Variants in RPGRIP1L observed in about 807,000 individuals in gnomAD.
RPGRIP1L encodes the protein protein fantom.
A neutral mutation model predicts 160.4 loss-of-function variants in RPGRIP1L; 131 were observed. The ratio of observed to expected loss-of-function variants is 0.82; its 90% CI spans 0.71 to 0.94. The LOEUF (loss-of-function observed/expected upper bound fraction) is 0.94, where lower values mean the gene tolerates loss of function less well. RPGRIP1L is among the 40% of genes least tolerant of loss of function. RPGRIP1L has a pLI of 0.00. For missense variants in RPGRIP1L, 1,522 were observed against 1,535.8 expected, an observed-to-expected ratio of 0.99 and a Z score of 0.15; for synonymous variants, 510 against 515.8, an observed-to-expected ratio of 0.99 and a Z score of 0.15.
At chr16:53,628,299 C>G (rs1295168613) in intron 22 of RPGRIP1L, 2 of 152,126 alleles carry the variant, frequency 1.3e-5, no homozygotes, top group African/African-American at 4.8e-5. Context: ...AGCTCTAAGA[C>G]AAGCTCAAAA....
chr16:53,665,524 TAAG>T (rs1302626856), intron 9 of RPGRIP1L, among the ~76,000 whole-genome samples: 4 of 152,106 alleles, frequency 2.6e-5, no homozygotes, highest in African/African-American at 9.7e-5. Context: ...CGATATTGAT[TAAG>T]AAGTAGTGAT....
intron 17 of RPGRIP1L, among the ~76,000 whole-genome samples, chr16:53,643,306 TAAA>T (rs77427391): frequency 2.7e-5 from 3 of 111,390 alleles, no homozygotes; most frequent in African/African-American, 3.2e-5. Flanking sequence ...AGACTCCATC[TAAA>T]AAAAAAAAAA....
At chr16:53,637,211 T>A (rs779632331) in intron 21 of RPGRIP1L, among the ~76,000 whole-genome samples, 15 of 152,168 alleles carry the variant, frequency 9.9e-5, no homozygotes, top group Non-Finnish European at 1.9e-4. Flanking sequence ...ACACCACAGT[T>A]AAGACAGTGA....
At chr16:53,610,654 T>C (rs1197673552) in intron 25 of RPGRIP1L, among the ~76,000 whole-genome samples, 1 of 152,198 alleles carries the variant, frequency 6.6e-6, no homozygotes, top group Non-Finnish European at 1.5e-5. Context: ...GACTCCAGAG[T>C]GTACCCACCT....
intron 9 of RPGRIP1L, among the ~76,000 whole-genome samples, chr16:53,668,170 AT>A (rs1263879626): frequency 1.3e-5 from 2 of 151,988 alleles, no homozygotes; most frequent in African/African-American, 4.8e-5. Context: ...GATGCCCCAA[AT>A]GTACTTGGAG....
intron 9 of RPGRIP1L, among the ~76,000 whole-genome samples, chr16:53,666,704 A>G (rs1184078203): frequency 1.3e-5 from 2 of 152,100 alleles, no homozygotes; most frequent in African/African-American, 4.8e-5. Flanking sequence ...AACATACATT[A>G]TATCAGATGC....
intron 22 of RPGRIP1L, among the ~76,000 whole-genome samples, chr16:53,626,836 T>G (rs1050667571): frequency 8.6e-5 from 13 of 151,326 alleles, no homozygotes; most frequent in African/African-American, 3.2e-4. Flanking sequence ...ATTTTTTTTG[T>G]GGTGAACAGA....
intron 25 of RPGRIP1L, chr16:53,608,022 A>C: frequency 2.1e-6 from 2 of 970,468 alleles, no homozygotes; most frequent in Non-Finnish European, 2.4e-6. Context: ...GCAGATGTCA[A>C]GCACTCAGGT....
rs776941281 is a variant in RPGRIP1L, at chr16:53,658,443, C to A, written c.1372G>T (p.Glu458Ter). The A allele has an allele frequency of 1.1e-5, 18 of 1,611,370 alleles. No individual in the cohort carries two copies. The highest frequency in any genetic ancestry group is 1.5e-5 in the Non-Finnish European group (18 of 1,177,838). ...YNQENDINADELSEALLLIKA... is the reference protein window; with the variant it reads ...YNQENDINAD ...ATAAGTAGGAGAGCTTCACTCAATT[C>A]ATCAGCATTAATATCATTCTCCTGC... Residue 458 changes from glutamate (E) to a stop codon, truncating the protein, a stop_gained, in exon 12 of 27, where the codon GAA becomes TAA. Transcript: ENST00000647211. LOFTEE classifies it high-confidence loss of function.
At position 53,600,305 on chromosome 16, in the gene RPGRIP1L, G is replaced by GA. The variant is rs1426620235; in HGVS notation, c.*1770dup. 6.6e-6 allele frequency: 1 copy of GA among 152,626 alleles called. No individual in the cohort carries two copies. The highest frequency in any genetic ancestry group is 1.5e-5 in the Non-Finnish European group (1 of 68,056). The allele number at this position is 152,626 out of a possible 1,614,324, so 9.5% of individuals were successfully genotyped here. On this transcript the variant is annotated 3_prime_UTR_variant, in exon 27 of 27. Transcript: ENST00000647211. The stretch of plus-strand genomic sequence containing the variant: ...AAAAGGGGCCAAAAAAATGAGCTCA[G>GA]AGCCAGCCGAAGTGACAACAAACAT...
At chr16:53,618,126 G>A (rs1368835729) in intron 24 of RPGRIP1L, among the ~76,000 whole-genome samples, 1 of 152,090 alleles carries the variant, frequency 6.6e-6, no homozygotes, top group Non-Finnish European at 1.5e-5. Flanking sequence ...GTCTGTGCTG[G>A]TCCAGTAAAC....
chr16:53,678,703 C>T (rs994304360), intron 6 of RPGRIP1L, among the ~76,000 whole-genome samples: 1 of 151,938 alleles, frequency 6.6e-6, no homozygotes. Context: ...CTATGAGATT[C>T]GGGGAAGTAG....
At position 53,672,927 on chromosome 16, in the gene RPGRIP1L, G is replaced by A; in HGVS notation, c.972C>T (p.Cys324=). The change falls in exon 8 of 27, where the codon TGC becomes TGT. Residue 324 remains cysteine (C), a synonymous_variant. Transcript: ENST00000647211. ...AATGTAATTGTTTCTCAAGACTGCA[G>A]CATTTTAAACGCTGCTCTTTAAGTT... ...NMQLKEQRLK[C]CSLEKQLHSM... 1 of 1,612,880 alleles carries A rather than the reference G, an allele frequency of 6.2e-7. No homozygotes were observed. The highest frequency in any genetic ancestry group is 8.5e-7 in the Non-Finnish European group (1 of 1,179,268).
rs532408378 is a variant in RPGRIP1L at position 53,654,026 on chromosome 16, G to A, written c.1700-1039C>T. Among the ~76,000 whole-genome samples the A allele has an allele frequency of 3.9e-4, 60 of 152,132 alleles. No homozygotes were observed. The South Asian group carries it at 0.012, about 30-fold the overall frequency. On this transcript the variant is annotated intron_variant, in intron 14 of 26. Coordinates refer to ENST00000647211, the MANE Select transcript of RPGRIP1L (RefSeq NM_015272.5). ...TCACCCAGGCTGGAGTGCAGTGGCG[G>A]AATCTCGGCTCACTGCAACCTCTGC...
rs1457919032 is a variant in RPGRIP1L, at chr16:53,637,719, T to C, written c.3196A>G (p.Ile1066Val). 3 of 1,610,864 alleles carry C rather than the reference T, an allele frequency of 1.9e-6. No individual in the cohort carries two copies. Among genetic ancestry groups the C allele is most frequent in the Non-Finnish European group, 2.5e-6 (3 of 1,179,738 alleles). ...CCTTCTGGTTCCAAGTCCTCTGTTA[T>C]TTCTGTTTCATCTTCAGAAGATGCC... ...SLASSEDETEITEDLEPEVEE... is the reference protein window; with the variant it reads ...SLASSEDETEVTEDLEPEVEE... Residue 1066 changes from isoleucine (I) to valine (V), a missense_variant, in exon 21 of 27, where the codon ATA (isoleucine) becomes GTA (valine). Coordinates refer to ENST00000647211, the MANE Select transcript of RPGRIP1L (RefSeq NM_015272.5).
chr16:53,641,107 G>A lies in RPGRIP1L; in HGVS notation c.2884C>T (p.Pro962Ser). 3.1e-6 allele frequency: 5 copies of A among 1,613,430 alleles called. No individual in the cohort carries two copies. The South Asian group carries it at 3.3e-5, about 11-fold the overall frequency. ...SVSTLVLAPR[P>S]KPRQRLTPVD... Reference sequence around the variant, plus strand: ...GGTGTTAAACGTTGTCTTGGTTTAGGTCTTGGTGCCTAAGACAAACCAACC... The same window carrying A: ...GGTGTTAAACGTTGTCTTGGTTTAGATCTTGGTGCCTAAGACAAACCAACC... Residue 962 changes from proline (P) to serine (S), a missense_variant, in exon 19 of 27, where the codon CCT becomes TCT. Pro to Ser is a moderately conservative substitution (Grantham distance 74, BLOSUM62 -1). Coordinates refer to ENST00000647211, the MANE Select transcript of RPGRIP1L (RefSeq NM_015272.5).
intron 24 of RPGRIP1L, among the ~76,000 whole-genome samples, chr16:53,617,008 G>T (rs1221369860): frequency 7.2e-6 from 1 of 139,516 alleles, no homozygotes; most frequent in Non-Finnish European, 1.5e-5. Context: ...GGAAGTGGAG[G>T]TTGCAGTAAG....
chr16:53,623,183 C>T (rs1482250456), intron 22 of RPGRIP1L, among the ~76,000 whole-genome samples: 1 of 152,112 alleles, frequency 6.6e-6, no homozygotes, highest in Non-Finnish European at 1.5e-5. Flanking sequence ...AATACAATAG[C>T]TTCCTAGTTA....
intron 14 of RPGRIP1L, chr16:53,653,216 C>T (rs1442009744): frequency 8.5e-6 from 6 of 707,378 alleles, no homozygotes; most frequent in Non-Finnish European, 1.0e-5. Flanking sequence ...TTTAATATAG[C>T]CTAAGCCAGG....
Sources: allele counts gnomAD v4.1 joint callset (sites outside exome capture counted in the v4.1 genomes callset), GRCh38; gene constraint gnomAD v4.1.1; transcripts MANE v1.5; gene names NCBI Gene and HGNC (gene_info 2026-07-23, HGNC 2026-07-21).